The following GABRA4 variants were observed in gnomAD, a reference collection of about 807,000 sequenced individuals.
GABRA4 encodes the protein gamma-aminobutyric acid receptor subunit alpha-4.
In GABRA4, 12 loss-of-function variants were observed where a neutral mutation model predicts 49.7. That is an observed-to-expected ratio of 0.24 (90% CI 0.15 to 0.39). The LOEUF (loss-of-function observed/expected upper bound fraction) is 0.39, where lower values mean the gene tolerates loss of function less well. GABRA4 is among the 10% of genes least tolerant of loss of function. GABRA4 has a pLI of 1.00. For synonymous variants in GABRA4, 288 were observed against 240.2 expected (o/e 1.20, Z -1.84); for missense variants, 506 against 686.0 (o/e 0.74, Z 2.93).
At chr4:46,993,249 C>A in intron 1 of GABRA4, 90 bp downstream of exon 1, 1 of 1,111,458 alleles carries the variant, frequency 9.0e-7, no homozygotes, top group Non-Finnish European at 1.4e-6. Context: ...ACCTAGTCCA[C>A]CCAGGGAGGA....
intron 8 of GABRA4, among the ~76,000 whole-genome samples, chr4:46,930,328 G>A (rs1436001371): frequency 2.6e-5 from 4 of 152,162 alleles, no homozygotes; most frequent in African/African-American, 9.6e-5. Flanking sequence ...CATTGTAAAT[G>A]TCACCTAATT....
At chr4:46,974,485 A>G (rs1384440607) in intron 5 of GABRA4, 110 bp from the exon 6 acceptor site, 2 of 1,029,902 alleles carry the variant, frequency 1.9e-6, no homozygotes, top group Non-Finnish European at 2.7e-6. Context: ...AAATGAAAAC[A>G]ATGTTCACTA....
At chr4:46,965,686 G>C (rs1022668271) in intron 7 of GABRA4, among the ~76,000 whole-genome samples, 1 of 151,702 alleles carries the variant, frequency 6.6e-6, no homozygotes, top group African/African-American at 2.4e-5. Flanking sequence ...GAGCAACACT[G>C]GCCTCCTAAA....
intron 3 of GABRA4, among the ~76,000 whole-genome samples, chr4:46,977,971 T>A (rs1029506636): frequency 6.6e-6 from 1 of 152,030 alleles, no homozygotes; most frequent in African/African-American, 2.4e-5. Flanking sequence ...CAAAAATCAG[T>A]TAAAGTGTAA....
At position 46,938,017 on chromosome 4, in the gene GABRA4, T is replaced by C. The variant is rs76591887; in HGVS notation, c.1135-9262A>G. Reference sequence around the variant, plus strand: ...TTCAAAGCATGCATTTGTTTAAATATTGAAAAATGTAATTAACAATATAAT... The same window carrying C: ...TTCAAAGCATGCATTTGTTTAAATACTGAAAAATGTAATTAACAATATAAT... On this transcript the variant is annotated intron_variant, in intron 8 of 8. Transcript: ENST00000264318. 8.5e-3 allele frequency among the ~76,000 whole-genome samples: 1,288 copies of C among 152,262 alleles called. 17 individuals carry two copies. Among genetic ancestry groups the C allele is most frequent in the African/African-American group, 0.029 (1,224 of 41,568 alleles).
At position 46,938,825 on chromosome 4, in the gene GABRA4, CTCAT is replaced by C. The variant is rs3046812; in HGVS notation, c.1135-10074_1135-10071del. Among the ~76,000 whole-genome samples, 1,145 of 152,100 alleles carry C rather than the reference CTCAT, an allele frequency of 7.5e-3. 12 individuals are homozygous for C. The highest frequency in any genetic ancestry group is 0.026 in the African/African-American group (1,084 of 41,510). On this transcript the variant is annotated intron_variant, in intron 8 of 8. Coordinates refer to ENST00000264318, the MANE Select transcript of GABRA4 (RefSeq NM_000809.4). ...GGTCTTATTAAAGACACTGATTCAACTCATTCATTCATTCATTCATTCAACTGTT... is the reference window on the plus strand; with the variant it reads ...GGTCTTATTAAAGACACTGATTCAACTCATTCATTCATTCATTCAACTGTT...
At chr4:46,977,818 T>C (rs1723199980) in intron 3 of GABRA4, among the ~76,000 whole-genome samples, 188 bp from the exon 4 acceptor site, 1 of 152,084 alleles carries the variant, frequency 6.6e-6, no homozygotes, top group Admixed American at 6.6e-5. Flanking sequence ...ATAACTTTTA[T>C]CCATCTTGAT....
intron 8 of GABRA4, among the ~76,000 whole-genome samples, chr4:46,963,616 T>C (rs1352534232): frequency 2.0e-5 from 3 of 151,930 alleles, no homozygotes; most frequent in Non-Finnish European, 4.4e-5. Flanking sequence ...GTTTCAGGTA[T>C]GTCATGATCA....
chr4:46,937,385 C>A (rs1005490385), intron 8 of GABRA4, among the ~76,000 whole-genome samples: 5 of 152,092 alleles, frequency 3.3e-5, no homozygotes, highest in South Asian at 2.1e-4. Context: ...AATAATCTAA[C>A]GTCAATAAAA....
rs1721175565 is a variant in GABRA4 at position 46,925,220 on chromosome 4, A to G, written c.*3005T>C. ...ATGTAACTTCTCTGTGACTCATTTC[A>G]TCAAAAAAAGTGTGACTCTACTCTC... On this transcript the variant is annotated 3_prime_UTR_variant, in exon 9 of 9. Coordinates refer to ENST00000264318, the MANE Select transcript of GABRA4 (RefSeq NM_000809.4). The G allele has an allele frequency of 6.6e-6, 1 of 151,968 alleles. No homozygotes were observed. The highest frequency in any genetic ancestry group is 1.5e-5 in the Non-Finnish European group (1 of 67,880). The allele number at this position is 151,968 out of a possible 1,614,324, so 9.4% of individuals were successfully genotyped here. A position where few individuals can be genotyped will look rare whatever the true frequency, so the allele number is the denominator to read the frequency against.
intron 8 of GABRA4, among the ~76,000 whole-genome samples, chr4:46,950,967 A>T (rs1722154784): frequency 6.6e-6 from 1 of 151,928 alleles, no homozygotes; most frequent in Non-Finnish European, 1.5e-5. Context: ...GGCCCCAGGT[A>T]TCCCTGACCA....
At position 46,919,028 on chromosome 4, in the gene GABRA4, G is replaced by A. The variant is rs1229324980; in HGVS notation, c.*9197C>T. 1 of 151,478 alleles carries A rather than the reference G, an allele frequency of 6.6e-6. No homozygotes were observed. Among genetic ancestry groups the A allele is most frequent in the East Asian group, 1.9e-4 (1 of 5,180 alleles). The allele number at this position is 151,478 out of a possible 1,614,324, so 9.4% of individuals were successfully genotyped here. A position where few individuals can be genotyped will look rare whatever the true frequency, so the allele number is the denominator to read the frequency against. On this transcript the variant is annotated 3_prime_UTR_variant, in exon 9 of 9. Coordinates refer to ENST00000264318, the MANE Select transcript of GABRA4 (RefSeq NM_000809.4). ...CATTTATCTTAAAATATAAGTATCTGTGATTAAATTTTATAGAAATTTAAA... is the reference window on the plus strand; with the variant it reads ...CATTTATCTTAAAATATAAGTATCTATGATTAAATTTTATAGAAATTTAAA...
At chr4:46,946,719 G>T (rs1721993115) in intron 8 of GABRA4, among the ~76,000 whole-genome samples, 1 of 152,210 alleles carries the variant, frequency 6.6e-6, no homozygotes, top group African/African-American at 2.4e-5. Context: ...ACAAATATCT[G>T]TTGAATGAAT....
intron 2 of GABRA4, among the ~76,000 whole-genome samples, chr4:46,992,400 A>G (rs1441484503): frequency 6.6e-6 from 1 of 152,194 alleles, no homozygotes; most frequent in Non-Finnish European, 1.5e-5. Flanking sequence ...AACATTGGCC[A>G]AGGTTTTGGC....
rs41303783 is a variant in GABRA4, at chr4:46,993,548, C to A, written c.-124G>T. ...GCGCACACTCGCGCTCACACTCGCC[C>A]GCGCTCAGCCAGCCCGAGCCGCGGT... On this transcript the variant is annotated 5_prime_UTR_variant, in exon 1 of 9. Coordinates refer to ENST00000264318, the MANE Select transcript of GABRA4 (RefSeq NM_000809.4). The A allele has an allele frequency of 7.8e-6, 8 of 1,021,860 alleles. No homozygotes were observed. The South Asian group carries it at 1.0e-4, about 13-fold the overall frequency. The allele number at this position is 1,021,860 out of a possible 1,614,324, so 63.3% of individuals were successfully genotyped here.
chr4:46,948,017 A>G (rs1402849141), intron 8 of GABRA4, among the ~76,000 whole-genome samples: 1 of 152,106 alleles, frequency 6.6e-6, no homozygotes, highest in African/African-American at 2.4e-5. Flanking sequence ...CTTACAGTAT[A>G]TTGGAAATAG....
chr4:46,926,782 G>A lies in GABRA4; in HGVS notation c.*1443C>T, dbSNP rs1721245635. 1.3e-5 allele frequency: 2 copies of A among 152,024 alleles called. No homozygotes were observed. Among genetic ancestry groups the A allele is most frequent in the African/African-American group, 4.8e-5 (2 of 41,532 alleles). The allele number at this position is 152,024 out of a possible 1,614,324, so 9.4% of individuals were successfully genotyped here. A position where few individuals can be genotyped will look rare whatever the true frequency, so the allele number is the denominator to read the frequency against. On this transcript the variant is annotated 3_prime_UTR_variant, in exon 9 of 9. Coordinates refer to ENST00000264318, the MANE Select transcript of GABRA4 (RefSeq NM_000809.4). ...GCAAAATTCTCAAGTAAGTTGTTAA[G>A]CCTACCTAATGAGAAAGAAGTCAGT...
At chr4:46,970,400 A>C (rs926237739) in intron 7 of GABRA4, among the ~76,000 whole-genome samples, 1 of 151,552 alleles carries the variant, frequency 6.6e-6, no homozygotes, top group Non-Finnish European at 1.5e-5. Context: ...ACTAAAATAA[A>C]TATAATTATA....
intron 8 of GABRA4, among the ~76,000 whole-genome samples, chr4:46,954,426 AG>A (rs1181437879): frequency 3.9e-5 from 6 of 151,956 alleles, no homozygotes; most frequent in Non-Finnish European, 8.8e-5. Context: ...GCATTGTGGC[AG>A]GCGCCTGTAA....
Sources: gnomAD v4.1 joint callset for allele counts (sites outside exome capture counted in the v4.1 genomes callset) on GRCh38, gnomAD v4.1.1 for gene constraint, MANE v1.5 for transcripts, NCBI Gene and HGNC (gene_info 2026-07-23, HGNC 2026-07-21) for gene names.